Variants in IFI44L observed in about 807,000 individuals in gnomAD.
IFI44L encodes the protein interferon-induced protein 44-like.
A neutral mutation model predicts 39.3 loss-of-function variants in IFI44L; 40 were observed. The ratio of observed to expected loss-of-function variants is 1.02; its 90% CI spans 0.79 to 1.33. The LOEUF (loss-of-function observed/expected upper bound fraction) is 1.33. Ranked by LOEUF, IFI44L falls within the 40% of genes most tolerant of loss-of-function variation. The pLI, the probability that IFI44L is intolerant of heterozygous loss-of-function variation, is 0.00. For synonymous variants in IFI44L, 198 were observed against 182.3 expected (o/e 1.09, Z -0.69); for missense variants, 623 against 549.0 (o/e 1.13, Z -1.35).
chr1:78,630,568 T>A (rs1006971298), intron 4 of IFI44L, among the ~76,000 whole-genome samples: 2 of 152,122 alleles, frequency 1.3e-5, no homozygotes, highest in Non-Finnish European at 2.9e-5. Flanking sequence ...AAACAAAAAA[T>A]AATAAAGGGA....
chr1:78,638,307 A>C (rs910713797), intron 6 of IFI44L, among the ~76,000 whole-genome samples: 1 of 151,990 alleles, frequency 6.6e-6, no homozygotes, highest in Non-Finnish European at 1.5e-5. Context: ...TAGAAGTTGA[A>C]TGTTAAAAGA....
chr1:78,630,795 A>T (rs1213059952), intron 4 of IFI44L, among the ~76,000 whole-genome samples: 1 of 152,160 alleles, frequency 6.6e-6, no homozygotes, highest in African/African-American at 2.4e-5. Flanking sequence ...GATGTTGGCC[A>T]GATACTGTGC....
At position 78,635,428 on chromosome 1, in the gene IFI44L, C is replaced by T. The variant is rs1652909802; in HGVS notation, c.815C>T (p.Ala272Val). The stretch of plus-strand genomic sequence containing the variant: ...ATGGGGCTAGATGGGGCAGAAGGAG[C>T]AGGACTGTGCATGGATGACATTCCC... ...DTMGLDGAEGAGLCMDDIPHI... is the reference protein window; with the variant it reads ...DTMGLDGAEGVGLCMDDIPHI... The change falls in exon 5 of 9, where the codon GCA (alanine) becomes GTA (valine). Residue 272 changes from alanine to valine, a missense_variant. Physicochemically the swap from Ala to Val is moderately conservative, Grantham distance 64 (BLOSUM62 0). Transcript: ENST00000370751. 6.2e-7 allele frequency: 1 copy of T among 1,613,494 alleles called. No individual in the cohort carries two copies. The highest frequency in any genetic ancestry group is 1.3e-5 in the African/African-American group (1 of 75,004).
chr1:78,642,739 T>G lies in IFI44L; in HGVS notation c.*930T>G, dbSNP rs960302375. The G allele has an allele frequency of 2.0e-5, 3 of 152,122 alleles. No individual in the cohort carries two copies. The highest frequency in any genetic ancestry group is 4.4e-5 in the Non-Finnish European group (3 of 68,014). The allele number at this position is 152,122 out of a possible 1,614,324, so 9.4% of individuals were successfully genotyped here. ...TTGAATTAATTAAAATGAGCCAACT[T>G]TTTTTTAACAATTTACATTTTATTT... On this transcript the variant is annotated 3_prime_UTR_variant, in exon 9 of 9. Transcript: ENST00000370751.
Position 78,641,591 on chromosome 1 carries a change from T to A in IFI44L, c.1306T>A (p.Leu436Met), listed in dbSNP as rs778877796. 1 of 1,613,552 alleles carries A rather than the reference T, an allele frequency of 6.2e-7. No individual in the cohort carries two copies. Among genetic ancestry groups the A allele is most frequent in the Non-Finnish European group, 8.5e-7 (1 of 1,179,608 alleles). Residue 436 changes from leucine to methionine, a missense_variant, in exon 8 of 9, where the codon TTG becomes ATG. Transcript: ENST00000370751. ...GGCTGCAGATGATTTTTTAGAAGAT[T>A]TGCCTCTTGAGGAAACTGGTAATCT... The part of the protein sequence containing the change: ...LRAADDFLED[L>M]PLEETGAIER...
In IFI44L at chr1:78,641,686, A is replaced by C; in HGVS notation, c.1324+77A>C. 1.9e-6 allele frequency: 3 copies of C among 1,604,652 alleles called. 1 individual carries two copies. In the South Asian group the frequency reaches 3.3e-5, roughly 18 times the overall value. On this transcript the variant is annotated intron_variant, in intron 8 of 8. Transcript: ENST00000370751. ...AATCCTAAGTTATACATCAGTTATT[A>C]GATGACTGGGGCCCACCTGCATGCC... is the stretch of plus-strand genomic sequence containing the variant.
intron 7 of IFI44L, 82 bp from the exon 8 acceptor site, chr1:78,641,353 T>C (rs2100397980): frequency 1.5e-6 from 2 of 1,336,682 alleles, no homozygotes; most frequent in East Asian, 4.7e-5. Context: ...TTTTTTGGTT[T>C]CTTTCTTAAA....
In IFI44L at chr1:78,642,579, A is replaced by C. The variant is rs1647000211; in HGVS notation, c.*770A>C. 1 of 151,824 alleles carries C rather than the reference A, an allele frequency of 6.6e-6. No homozygotes were observed. Among genetic ancestry groups the C allele is most frequent in the Non-Finnish European group, 1.5e-5 (1 of 67,966 alleles). 9.4% of individuals were successfully genotyped at this position (151,824 alleles called of 1,614,324 possible). The stretch of plus-strand genomic sequence containing the variant: ...GTGAGATCCTGGCTCAAAAAAACCA[A>C]ATAAAACAAAACAAACAAACGAAAA... On this transcript the variant is annotated 3_prime_UTR_variant, in exon 9 of 9. Coordinates refer to ENST00000370751, the MANE Select transcript of IFI44L (RefSeq NM_006820.4).
rs967007984 is a variant in IFI44L, at chr1:78,643,017, T to A, written c.*1208T>A. On this transcript the variant is annotated 3_prime_UTR_variant, in exon 9 of 9. Transcript: ENST00000370751. ...TTTTTTTCCTTAAAGACTTCCTAAT[T>A]CTCTTCTCCAAATTCTTAGTCTTCT... is the stretch of plus-strand genomic sequence containing the variant. 2 of 152,010 alleles carry A rather than the reference T, an allele frequency of 1.3e-5. No homozygotes were observed. The highest frequency in any genetic ancestry group is 2.9e-5 in the Non-Finnish European group (2 of 67,998). The allele number at this position is 152,010 out of a possible 1,614,324, so 9.4% of individuals were successfully genotyped here.
intron 1 of IFI44L, chr1:78,626,198 A>G (rs1380217704): frequency 6.6e-6 from 1 of 151,884 alleles, no homozygotes; most frequent in African/African-American, 2.4e-5. Context: ...CCTACCTTGC[A>G]GTTAAATGTA....
Position 78,646,079 on chromosome 1 carries a change from TC to T in IFI44L, c.*4271del, listed in dbSNP as rs2100414505. Reference sequence around the variant, plus strand: ...ATTTTTTCATTTTTAAAAATTGATTTCTTTTGCACATTCCATGACAATATAT... The same window carrying T: ...ATTTTTTCATTTTTAAAAATTGATTTTTTTGCACATTCCATGACAATATAT... On this transcript the variant is annotated 3_prime_UTR_variant, in exon 9 of 9. Coordinates refer to ENST00000370751, the MANE Select transcript of IFI44L (RefSeq NM_006820.4). 1 of 152,308 alleles carries T rather than the reference TC, an allele frequency of 6.6e-6. No individual in the cohort carries two copies. Among genetic ancestry groups the T allele is most frequent in the Admixed American group, 6.5e-5 (1 of 15,296 alleles). 9.4% of individuals were successfully genotyped at this position (152,308 alleles called of 1,614,324 possible).
chr1:78,624,905 G>T (rs981207564), intron 1 of IFI44L, among the ~76,000 whole-genome samples: 7 of 152,076 alleles, frequency 4.6e-5, no homozygotes, highest in Admixed American at 4.6e-4. Context: ...ACCCCTTGCG[G>T]GTTATCTTGC....
At chr1:78,627,833 G>A in intron 1 of IFI44L, 73 bp from the exon 2 acceptor site, 1 of 824,864 alleles carries the variant, frequency 1.2e-6, no homozygotes, top group Non-Finnish European at 1.7e-6. Context: ...CTCACTGAAA[G>A]TAGAAGTGGA....
At chr1:78,633,098 T>C (rs536139416) in intron 4 of IFI44L, among the ~76,000 whole-genome samples, 1 of 152,172 alleles carries the variant, frequency 6.6e-6, no homozygotes, top group South Asian at 2.1e-4. Flanking sequence ...AGCACAATAA[T>C]AACAAAAGAT....
intron 4 of IFI44L, among the ~76,000 whole-genome samples, chr1:78,632,315 C>T (rs891541024): frequency 6.6e-6 from 1 of 152,096 alleles, no homozygotes; most frequent in African/African-American, 2.4e-5. Context: ...CTTTGAGAAA[C>T]CTGTATTCAC....
chr1:78,624,195 C>T (rs1180218760), intron 1 of IFI44L, among the ~76,000 whole-genome samples: 1 of 152,068 alleles, frequency 6.6e-6, no homozygotes. Context: ...GGGGCTTTTC[C>T]GTATTGGCCA....
Position 78,629,732 on chromosome 1 carries a change from G to T in IFI44L, c.540G>T (p.Arg180Ser). Reference protein sequence around the residue: ...RIIKAREHRNRLLADIRDYRP... With the variant: ...RIIKAREHRNSLLADIRDYRP... Reference sequence around the variant, plus strand: ...TATATTTTAACAGGCACAGAAATAGGCTTCTAGCAGACATCAGAGACTATA... The same window carrying T: ...TATATTTTAACAGGCACAGAAATAGTCTTCTAGCAGACATCAGAGACTATA... Residue 180 changes from arginine to serine, a missense_variant, in exon 4 of 9, where the codon AGG becomes AGT. Arg to Ser is a moderately radical substitution (Grantham distance 110). Coordinates refer to ENST00000370751, the MANE Select transcript of IFI44L (RefSeq NM_006820.4). 1 of 1,609,904 alleles carries T rather than the reference G, an allele frequency of 6.2e-7. No individual in the cohort carries two copies. The highest frequency in any genetic ancestry group is 8.5e-7 in the Non-Finnish European group (1 of 1,178,190).
At chr1:78,622,435 G>A (rs1212984956) in intron 1 of IFI44L, among the ~76,000 whole-genome samples, 4 of 151,962 alleles carry the variant, frequency 2.6e-5, no homozygotes, top group African/African-American at 4.8e-5. Context: ...TTAACATATT[G>A]ACCATACTAA....
chr1:78,622,497 C>T (rs933195196), intron 1 of IFI44L, among the ~76,000 whole-genome samples: 4 of 151,960 alleles, frequency 2.6e-5, no homozygotes, highest in African/African-American at 7.2e-5. Flanking sequence ...ATGTGGTGTA[C>T]AGACTCTAAA....
Sources: gnomAD v4.1 joint callset for allele counts (sites outside exome capture counted in the v4.1 genomes callset) on GRCh38, gnomAD v4.1.1 for gene constraint, MANE v1.5 for transcripts, NCBI Gene and HGNC (gene_info 2026-07-23, HGNC 2026-07-21) for gene names.